The following BCR variants were observed in gnomAD, a reference collection of about 807,000 sequenced individuals.
BCR encodes BCR activator of RhoGEF and GTPase.
Under a neutral mutation model 138.6 loss-of-function variants are expected in BCR, and 58 were observed. That is an observed-to-expected ratio of 0.42 (90% CI 0.34 to 0.52). The LOEUF (loss-of-function observed/expected upper bound fraction) is 0.52, where lower values mean the gene tolerates loss of function less well. Ranked by LOEUF, BCR falls within the 20% of genes least tolerant of loss-of-function variation. BCR has a pLI of 0.06. For missense variants in BCR, 1,599 were observed against 1,727.2 expected (o/e 0.93, Z 1.32); for synonymous variants, 786 against 730.1 (o/e 1.08, Z -1.23).
intron 1 of BCR, chr22:23,199,181 C>G (rs773212390): frequency 4.5e-6 from 2 of 440,788 alleles, no homozygotes; most frequent in Non-Finnish European, 9.1e-6. Context: ...TAACATAAGT[C>G]TGGTTTCCTC....
At chr22:23,198,724 A>C (rs537558809) in intron 1 of BCR, among the ~76,000 whole-genome samples, 1 of 152,192 alleles carries the variant, frequency 6.6e-6, no homozygotes, top group Admixed American at 6.5e-5. Flanking sequence ...ACTGCTATGC[A>C]CCGGGCCGAA....
intron 5 of BCR, 47 bp downstream of exon 5, chr22:23,268,562 T>C (rs2073472651): frequency 1.4e-6 from 2 of 1,480,088 alleles, no homozygotes. Context: ...GACTCCCACC[T>C]GTACCCTCCA....
At chr22:23,215,300 C>G (rs554029606) in intron 1 of BCR, among the ~76,000 whole-genome samples, 9 of 152,326 alleles carry the variant, frequency 5.9e-5, no homozygotes, top group South Asian at 4.1e-4. Context: ...GGTATACATG[C>G]TTTTACTCTT....
chr22:23,272,372 T>C (rs750404633), intron 6 of BCR, among the ~76,000 whole-genome samples: 4 of 152,212 alleles, frequency 2.6e-5, no homozygotes, highest in Non-Finnish European at 5.9e-5. Flanking sequence ...AAAATAGCGA[T>C]GAGTGCCTTA....
chr22:23,221,136 TC>T (rs1437681122), intron 1 of BCR, among the ~76,000 whole-genome samples: 6 of 152,218 alleles, frequency 3.9e-5, no homozygotes, highest in African/African-American at 1.4e-4. Flanking sequence ...ACTTCATTCT[TC>T]CTAGTGCATG....
intron 21 of BCR, 114 bp from the exon 22 acceptor site, chr22:23,314,438 G>C: frequency 8.0e-7 from 1 of 1,243,878 alleles, no homozygotes; most frequent in Non-Finnish European, 1.2e-6. Flanking sequence ...TCAGCTTGCA[G>C]CACAGCCAGG....
In BCR at chr22:23,254,766, T is replaced by G. The variant is rs891427534; in HGVS notation, c.1461+786T>G. ...CACTTGACCTCTTGGGTTCCTTACT[T>G]CTTGGGCTGAGAAAATCACTGCCCC... On this transcript the variant is annotated intron_variant, in intron 2 of 22. Coordinates refer to ENST00000305877, the MANE Select transcript of BCR (RefSeq NM_004327.4). Among the ~76,000 whole-genome samples the G allele has an allele frequency of 5.9e-5, 9 of 152,340 alleles. No individual in the cohort carries two copies. In the South Asian group the frequency reaches 1.9e-3, roughly 32 times the overall value.
intron 1 of BCR, among the ~76,000 whole-genome samples, chr22:23,201,086 G>T (rs1032107756): frequency 2.0e-5 from 3 of 152,232 alleles, no homozygotes; most frequent in African/African-American, 2.4e-5. Flanking sequence ...ATTTAGTCTG[G>T]CAGAGGCCAA....
Position 23,309,293 on chromosome 22 carries a change from A to C in BCR, c.3013-131A>C, listed in dbSNP as rs1399364186. 252 of 841,972 alleles carry C rather than the reference A, an allele frequency of 3.0e-4. No homozygotes were observed. The East Asian group carries it at 6.3e-3, about 21-fold the overall frequency. The allele number at this position is 841,972 out of a possible 1,614,324, so 52.2% of individuals were successfully genotyped here. A position where few individuals can be genotyped will look rare whatever the true frequency, so the allele number is the denominator to read the frequency against. Reference sequence around the variant, plus strand: ...TTACTCTACCTCTGTTGGCCTCTGGATGGAGGTGCTGGCCGCAGTCGGGCT... The same window carrying C: ...TTACTCTACCTCTGTTGGCCTCTGGCTGGAGGTGCTGGCCGCAGTCGGGCT... On this transcript the variant is annotated intron_variant, in intron 16 of 22. Coordinates refer to ENST00000305877, the MANE Select transcript of BCR (RefSeq NM_004327.4).
intron 9 of BCR, among the ~76,000 whole-genome samples, chr22:23,284,307 G>C (rs1011860125): frequency 1.3e-5 from 2 of 152,078 alleles, no homozygotes; most frequent in African/African-American, 4.8e-5. Flanking sequence ...GACTCCTGTA[G>C]TGAGGGGTAA....
intron 1 of BCR, among the ~76,000 whole-genome samples, chr22:23,191,609 G>T (rs1027134913): frequency 9.9e-5 from 15 of 152,208 alleles, no homozygotes; most frequent in Non-Finnish European, 2.9e-5. Context: ...ATGCCCTGCT[G>T]TAGTGTCCTG....
intron 12 of BCR, 105 bp downstream of exon 12, chr22:23,288,277 C>G: frequency 8.4e-7 from 1 of 1,190,104 alleles, no homozygotes. Flanking sequence ...GGGTTTTATC[C>G]AAGTGAAGTG....
rs780142795 is a variant in BCR at position 23,180,570 on chromosome 22, A to AGGCGGCGGCGGC, written c.-381_-370dup. 56 of 109,020 alleles carry AGGCGGCGGCGGC rather than the reference A, an allele frequency of 5.1e-4. No individual in the cohort carries two copies. Among genetic ancestry groups the AGGCGGCGGCGGC allele is most frequent in the African/African-American group, 8.8e-4 (11 of 12,438 alleles). 6.8% of individuals were successfully genotyped at this position (109,020 alleles called of 1,614,324 possible). ...GGCTGGCTGAGCTTAGCGTCCGAGGAGGCGGCGGCGGCGGCGGCGGCACGG... is the reference window on the plus strand; with the variant it reads ...GGCTGGCTGAGCTTAGCGTCCGAGGAGGCGGCGGCGGCGGCGGCGGCGGCGGCGGCGGCACGG... On this transcript the variant is annotated 5_prime_UTR_variant, in exon 1 of 23. Transcript: ENST00000305877.
intron 1 of BCR, among the ~76,000 whole-genome samples, chr22:23,206,251 G>A (rs1046304518): frequency 5.3e-5 from 8 of 152,106 alleles, no homozygotes; most frequent in African/African-American, 1.9e-4. Context: ...TCTTACTTTT[G>A]TATTTGTTTG....
chr22:23,284,769 A>G (rs1477545308), intron 9 of BCR, among the ~76,000 whole-genome samples: 1 of 152,010 alleles, frequency 6.6e-6, no homozygotes, highest in Non-Finnish European at 1.5e-5. Flanking sequence ...TGAGCCTTCA[A>G]CCTTAGAGCC....
chr22:23,194,207 A>G (rs1161207414), intron 1 of BCR, among the ~76,000 whole-genome samples: 1 of 152,148 alleles, frequency 6.6e-6, no homozygotes, highest in African/African-American at 2.4e-5. Context: ...TGACTTCCAA[A>G]AGCTTTCCAC....
intron 1 of BCR, among the ~76,000 whole-genome samples, chr22:23,189,383 C>T (rs1030236576): frequency 2.6e-5 from 4 of 152,188 alleles, no homozygotes; most frequent in South Asian, 2.1e-4. Flanking sequence ...GATTTTGCCT[C>T]TCCTAGATGC....
chr22:23,266,835 T>C (rs1424313563), intron 4 of BCR, among the ~76,000 whole-genome samples: 1 of 152,160 alleles, frequency 6.6e-6, no homozygotes, highest in Non-Finnish European at 1.5e-5. Context: ...TAGTGAAAAA[T>C]GTGGAAAGGA....
chr22:23,192,030 T>G (rs926959615), intron 1 of BCR, among the ~76,000 whole-genome samples: 1 of 152,174 alleles, frequency 6.6e-6, no homozygotes, highest in African/African-American at 2.4e-5. Context: ...ACTATAGATG[T>G]GGATGGTGGC....
Sources: gnomAD v4.1 joint callset for allele counts (sites outside exome capture counted in the v4.1 genomes callset) on GRCh38, gnomAD v4.1.1 for gene constraint, MANE v1.5 for transcripts, NCBI Gene and HGNC (gene_info 2026-07-23, HGNC 2026-07-21) for gene names.